The following TAFA2 variants were observed in gnomAD, a reference collection of about 807,000 sequenced individuals.
TAFA2 encodes the protein chemokine-like protein TAFA-2.
In TAFA2, 7 loss-of-function variants were observed where a neutral mutation model predicts 18.8. The observed-to-expected ratio is 0.37, with a 90% confidence interval of 0.21 to 0.70. The LOEUF (loss-of-function observed/expected upper bound fraction) is 0.70, where lower values mean the gene tolerates loss of function less well. TAFA2 is among the 30% of genes least tolerant of loss of function. The pLI is 0.53. For missense variants in TAFA2, 122 were observed against 158.1 expected (o/e 0.77, Z 1.23); for synonymous variants, 60 against 54.2 (o/e 1.11, Z -0.47).
chr12:62,096,493 C>G (rs1323246795), intron 1 of TAFA2, among the ~76,000 whole-genome samples: 2 of 151,998 alleles, frequency 1.3e-5, no homozygotes, highest in African/African-American at 4.8e-5. Flanking sequence ...AATAAATGAA[C>G]CAGACCAAGG....
intron 4 of TAFA2, among the ~76,000 whole-genome samples, chr12:61,747,550 T>A (rs1868780900): frequency 6.7e-6 from 1 of 149,830 alleles, no homozygotes; most frequent in Non-Finnish European, 1.5e-5. Flanking sequence ...AAATGATGAG[T>A]TCATGTCCTT....
chr12:62,237,256 C>T (rs1043059167), intron 1 of TAFA2, among the ~76,000 whole-genome samples: 1 of 152,148 alleles, frequency 6.6e-6, no homozygotes, highest in African/African-American at 2.4e-5. Context: ...GCCTGTAATC[C>T]CAGCACTTTG....
intron 2 of TAFA2, among the ~76,000 whole-genome samples, chr12:61,809,779 T>G (rs1189032645): frequency 6.6e-6 from 1 of 151,310 alleles, no homozygotes; most frequent in Non-Finnish European, 1.5e-5. Flanking sequence ...TGAACCTACT[T>G]CACCCTGTTG....
intron 2 of TAFA2, among the ~76,000 whole-genome samples, chr12:61,818,031 A>G (rs534415727): frequency 2.1e-4 from 32 of 152,296 alleles, no homozygotes; most frequent in Admixed American, 1.6e-3. Flanking sequence ...CATCAGCTGT[A>G]TCATTCCTCC....
chr12:62,098,995 G>T (rs1460348329), intron 1 of TAFA2, among the ~76,000 whole-genome samples: 1 of 151,958 alleles, frequency 6.6e-6, no homozygotes, highest in African/African-American at 2.4e-5. Flanking sequence ...ACCACTTGAG[G>T]TTACAAACTA....
rs74095475 is a variant in TAFA2, at chr12:61,825,083, T to C, written c.106+42237A>G. Reference sequence around the variant, plus strand: ...AGATACATGGAGGAGAATATTTTATTGGAGAAACTTAAAGGTAAGAATGAT... The same window carrying C: ...AGATACATGGAGGAGAATATTTTATCGGAGAAACTTAAAGGTAAGAATGAT... On this transcript the variant is annotated intron_variant, in intron 2 of 4. Coordinates refer to ENST00000416284, the MANE Select transcript of TAFA2 (RefSeq NM_178539.5). Among the ~76,000 whole-genome samples, 648 of 152,272 alleles carry C rather than the reference T, an allele frequency of 4.3e-3. 7 individuals are homozygous for C. The highest frequency in any genetic ancestry group is 0.015 in the African/African-American group (634 of 41,562).
chr12:62,079,606 G>A (rs1592322708), intron 1 of TAFA2, among the ~76,000 whole-genome samples: 1 of 151,648 alleles, frequency 6.6e-6, no homozygotes, highest in Admixed American at 6.6e-5. Flanking sequence ...AGAGGTTGCA[G>A]TAAGCCGAGA....
chr12:62,071,619 G>A (rs1195758542), intron 1 of TAFA2, among the ~76,000 whole-genome samples: 1 of 152,140 alleles, frequency 6.6e-6, no homozygotes, highest in Non-Finnish European at 1.5e-5. Flanking sequence ...CTTCTCCATG[G>A]AGGGATGTAC....
chr12:61,746,160 C>T (rs973784570), intron 4 of TAFA2, among the ~76,000 whole-genome samples: 3 of 152,044 alleles, frequency 2.0e-5, no homozygotes, highest in African/African-American at 4.8e-5. Context: ...TAGTTTCCCC[C>T]ATGCTGTTCT....
At chr12:61,947,485 A>G (rs1164174050) in intron 1 of TAFA2, among the ~76,000 whole-genome samples, 1 of 152,046 alleles carries the variant, frequency 6.6e-6, no homozygotes, top group Non-Finnish European at 1.5e-5. Context: ...AAATAAATAA[A>G]TAAAAAAGAA....
intron 1 of TAFA2, among the ~76,000 whole-genome samples, chr12:61,993,619 C>T (rs184472696): frequency 5.9e-5 from 9 of 152,224 alleles, no homozygotes; most frequent in Admixed American, 1.3e-4. Context: ...GCCATAAGAG[C>T]ACAAAGAGTA....
intron 1 of TAFA2, among the ~76,000 whole-genome samples, chr12:62,182,962 T>C (rs750990366): frequency 6.6e-6 from 1 of 152,218 alleles, no homozygotes; most frequent in Non-Finnish European, 1.5e-5. Context: ...TATACTAAAA[T>C]GGTAAATATC....
chr12:62,040,272 G>C (rs1881722940), intron 1 of TAFA2, among the ~76,000 whole-genome samples: 1 of 152,092 alleles, frequency 6.6e-6, no homozygotes, highest in African/African-American at 2.4e-5. Flanking sequence ...GCTGAGGTCA[G>C]AACCTTTGGG....
chr12:61,947,796 C>T (rs1878331808), intron 1 of TAFA2, among the ~76,000 whole-genome samples: 1 of 152,122 alleles, frequency 6.6e-6, no homozygotes, highest in Non-Finnish European at 1.5e-5. Flanking sequence ...AAAGACTTTC[C>T]TACACTGAAG....
At chr12:61,762,037 C>T (rs1170929856) in intron 2 of TAFA2, among the ~76,000 whole-genome samples, 1 of 152,068 alleles carries the variant, frequency 6.6e-6, no homozygotes, top group Non-Finnish European at 1.5e-5. Context: ...TCCCCCTTTG[C>T]CTACTACCAT....
In TAFA2 at chr12:62,087,137, T is replaced by A. The variant is rs186544673; in HGVS notation, c.-2+104122A>T. Among the ~76,000 whole-genome samples the A allele has an allele frequency of 1.1e-4, 17 of 151,796 alleles. No individual in the cohort carries two copies. The East Asian group carries it at 3.1e-3, about 28-fold the overall frequency. On this transcript the variant is annotated intron_variant, in intron 1 of 4. Coordinates refer to ENST00000416284, the MANE Select transcript of TAFA2 (RefSeq NM_178539.5). Reference sequence around the variant, plus strand: ...AGAATGGTGGTTGCCAGGAGCTGGGTGAAAGAGAGGAATGGGAAGTTAGTG... The same window carrying A: ...AGAATGGTGGTTGCCAGGAGCTGGGAGAAAGAGAGGAATGGGAAGTTAGTG...
At chr12:62,017,325 A>G (rs536372448) in intron 1 of TAFA2, among the ~76,000 whole-genome samples, 2 of 152,328 alleles carry the variant, frequency 1.3e-5, no homozygotes, top group Non-Finnish European at 2.9e-5. Context: ...ATATTTAGAA[A>G]AATTATTCCA....
intron 2 of TAFA2, among the ~76,000 whole-genome samples, chr12:61,835,749 T>C (rs1872894092): frequency 1.3e-5 from 2 of 151,996 alleles, no homozygotes; most frequent in South Asian, 4.1e-4. Flanking sequence ...TTTCCCCATG[T>C]AGATTTCTAA....
chr12:62,067,286 T>C (rs1012633317), intron 1 of TAFA2, among the ~76,000 whole-genome samples: 4 of 151,592 alleles, frequency 2.6e-5, no homozygotes, highest in African/African-American at 9.8e-5. Context: ...TTGTTGATTG[T>C]TTCCTTTGCT....
Sources: gnomAD v4.1 joint callset for allele counts (sites outside exome capture counted in the v4.1 genomes callset) on GRCh38, gnomAD v4.1.1 for gene constraint, MANE v1.5 for transcripts, NCBI Gene and HGNC (gene_info 2026-07-23, HGNC 2026-07-21) for gene names.